Variants in FBXO38 observed in about 807,000 individuals in gnomAD.
FBXO38 encodes F-box only protein 38.
In FBXO38, 53 loss-of-function variants were observed where a neutral mutation model predicts 131.9. The observed-to-expected ratio is 0.40, with a 90% CI of 0.32 to 0.51. FBXO38 has a LOEUF of 0.51. Ranked by LOEUF, FBXO38 falls within the 20% of genes least tolerant of loss-of-function variation. FBXO38 has a pLI of 0.53. For missense variants in FBXO38, 1,076 were observed against 1,475.6 expected, an observed-to-expected ratio of 0.73 and a Z score of 4.44; for synonymous variants, 452 against 505.6, an observed-to-expected ratio of 0.89 and a Z score of 1.42.
At chr5:148,393,211 G>GTA (rs1758300538) in intron 1 of FBXO38, among the ~76,000 whole-genome samples, 2 of 150,782 alleles carry the variant, frequency 1.3e-5, no homozygotes, top group Non-Finnish European at 3.0e-5. Flanking sequence ...GTGTGTGTGT[G>GTA]TGTGTGTGTG....
At chr5:148,419,251 G>T (rs539082103) in intron 12 of FBXO38, among the ~76,000 whole-genome samples, 1 of 152,346 alleles carries the variant, frequency 6.6e-6, no homozygotes, top group East Asian at 1.9e-4. Flanking sequence ...TGCATTTGTA[G>T]AGAAATGAAG....
chr5:148,406,996 G>A (rs2113550396), intron 7 of FBXO38, among the ~76,000 whole-genome samples: 1 of 152,266 alleles, frequency 6.6e-6, no homozygotes, highest in South Asian at 2.1e-4. Context: ...TTAATAGTTG[G>A]AAACCAAAAA....
chr5:148,414,078 C>A, intron 9 of FBXO38, 58 bp from the exon 10 acceptor site: 1 of 1,505,888 alleles, frequency 6.6e-7, no homozygotes. Context: ...AAGTTGGTAA[C>A]ACTCCCTAAC....
At chr5:148,387,165 T>G (rs1433322701) in intron 1 of FBXO38, among the ~76,000 whole-genome samples, 3 of 152,206 alleles carry the variant, frequency 2.0e-5, no homozygotes, top group African/African-American at 7.2e-5. Flanking sequence ...AAAATTACAT[T>G]CAGTTCTCTC....
Position 148,427,214 on chromosome 5 carries a change from A to G in FBXO38, c.1920A>G (p.Val640=). 5 of 1,577,084 alleles carry G rather than the reference A, an allele frequency of 3.2e-6. No individual in the cohort carries two copies. Among genetic ancestry groups the G allele is most frequent in the South Asian group, 2.3e-5 (2 of 86,218 alleles). The change falls in exon 15 of 22, where the codon GTA becomes GTG. Residue 640 remains valine (V), a splice_region_variant and synonymous_variant. Coordinates refer to ENST00000340253, the MANE Select transcript of FBXO38 (RefSeq NM_205836.3). The part of the protein sequence containing the change: ...GESVQSRELS[V]SGKGKTPLRK... ...CCGTTCTTCTTTTTCTATAAGCAGT[A>G]AGTGGAAAAGGCAAGACTCCACTTC...
At chr5:148,436,231 GAA>G (rs1000047153) in intron 17 of FBXO38, among the ~76,000 whole-genome samples, 1 of 152,036 alleles carries the variant, frequency 6.6e-6, no homozygotes, top group African/African-American at 2.4e-5. Context: ...AATAAAATGA[GAA>G]ATGCCTGTAT....
intron 17 of FBXO38, chr5:148,435,100 A>G (rs1278250704): frequency 2.6e-5 from 4 of 152,272 alleles, no homozygotes; most frequent in Admixed American, 2.6e-4. Context: ...TCAAAAAAAA[A>G]TAAAATAAAA....
rs574452689 is a variant in FBXO38, at chr5:148,410,951, C to T, written c.1093+186C>T. On this transcript the variant is annotated intron_variant, in intron 9 of 21. Coordinates refer to ENST00000340253, the MANE Select transcript of FBXO38 (RefSeq NM_205836.3). Reference sequence around the variant, plus strand: ...AGTGATTTTTTTTTCCATATTGCCTCTGATTTTAGCATATTATAGAAAATA... The same window carrying T: ...AGTGATTTTTTTTTCCATATTGCCTTTGATTTTAGCATATTATAGAAAATA... The T allele has an allele frequency of 1.4e-4, 76 of 551,574 alleles. No homozygotes were observed. The Middle Eastern group carries it at 1.9e-3, about 14-fold the overall frequency. 34.2% of individuals were successfully genotyped at this position (551,574 alleles called of 1,614,324 possible). A position where few individuals can be genotyped will look rare whatever the true frequency, so the allele number is the denominator to read the frequency against.
chr5:148,442,165 C>A lies in FBXO38; in HGVS notation c.*18C>A. On this transcript the variant is annotated 3_prime_UTR_variant, in exon 22 of 22. Transcript: ENST00000340253. ...ACATTTAATTGGTCCCTCCTCCTTT[C>A]CAGCTATTTTGTCAGAAAGCAAGTA... The A allele has an allele frequency of 6.2e-7, 1 of 1,609,170 alleles. No homozygotes were observed. The highest frequency in any genetic ancestry group is 8.5e-7 in the Non-Finnish European group (1 of 1,176,658).
chr5:148,435,304 T>G (rs1220751644), intron 17 of FBXO38, among the ~76,000 whole-genome samples: 3 of 152,192 alleles, frequency 2.0e-5, no homozygotes, highest in Non-Finnish European at 4.4e-5. Flanking sequence ...ATAAGGCTGT[T>G]TTGCTTTCTT....
At chr5:148,431,147 A>G (rs1187788022) in intron 15 of FBXO38, among the ~76,000 whole-genome samples, 2 of 152,228 alleles carry the variant, frequency 1.3e-5, no homozygotes, top group East Asian at 3.8e-4. Flanking sequence ...TGTCTTACAC[A>G]TGGAATGGGG....
Position 148,402,054 on chromosome 5 carries a change from C to T in FBXO38, c.335C>T (p.Pro112Leu). The change falls in exon 4 of 22, where the codon CCT becomes CTT. Residue 112 changes from proline (P) to leucine (L), a missense_variant. Pro to Leu is a moderately conservative substitution (Grantham distance 98). Coordinates refer to ENST00000340253, the MANE Select transcript of FBXO38 (RefSeq NM_205836.3). ...GTTGAACAGCTATATGGCCTTCACCCTCGATACCTTGAGAGGCGAAGAGTA... is the reference window on the plus strand; with the variant it reads ...GTTGAACAGCTATATGGCCTTCACCTTCGATACCTTGAGAGGCGAAGAGTA... ...PDVEQLYGLHPRYLERRRVRG... is the reference protein window; with the variant it reads ...PDVEQLYGLHLRYLERRRVRG... 1 of 1,613,610 alleles carries T rather than the reference C, an allele frequency of 6.2e-7. No individual in the cohort carries two copies. Among genetic ancestry groups the T allele is most frequent in the Non-Finnish European group, 8.5e-7 (1 of 1,179,624 alleles).
chr5:148,425,843 G>A (rs1023087988), intron 14 of FBXO38, 142 bp downstream of exon 14: 2 of 683,136 alleles, frequency 2.9e-6, no homozygotes, highest in Non-Finnish European at 5.0e-6. Flanking sequence ...CCCAAGTAAG[G>A]GAAATCTGGG....
chr5:148,387,378 A>G (rs576150582), intron 1 of FBXO38, among the ~76,000 whole-genome samples: 2 of 152,302 alleles, frequency 1.3e-5, no homozygotes, highest in East Asian at 1.9e-4. Flanking sequence ...TTCAGGCTCT[A>G]CATCCGATTG....
At position 148,423,983 on chromosome 5, in the gene FBXO38, A is replaced by G. The variant is rs771361003; in HGVS notation, c.1619-15A>G. The G allele has an allele frequency of 5.0e-6, 8 of 1,605,162 alleles. No homozygotes were observed. The highest frequency in any genetic ancestry group is 1.7e-5 in the Admixed American group (1 of 58,166). On this transcript the variant is annotated splice_polypyrimidine_tract_variant and intron_variant, in intron 12 of 21. Coordinates refer to ENST00000340253, the MANE Select transcript of FBXO38 (RefSeq NM_205836.3). ...ACTTCTTTTGGTTTTTACTTTGTGTATATTTTCGTTGAAGCATTAAATGAG... is the reference window on the plus strand; with the variant it reads ...ACTTCTTTTGGTTTTTACTTTGTGTGTATTTTCGTTGAAGCATTAAATGAG...
chr5:148,427,797 A>G lies in FBXO38; in HGVS notation c.2503A>G (p.Asn835Asp), dbSNP rs1268623868. Residue 835 changes from asparagine to aspartate, a missense_variant, in exon 15 of 22, where the codon AAT becomes GAT. By Grantham distance (23) the Asn-to-Asp change is conservative. Coordinates refer to ENST00000340253, the MANE Select transcript of FBXO38 (RefSeq NM_205836.3). ...AGGCCCAGCACATGATGAGAGGACT[A>G]ATGGGAGTGGCTCTGGGGCTACAGG... Reference protein sequence around the residue: ...SSGPAHDERTNGSGSGATGED... With the variant: ...SSGPAHDERTDGSGSGATGED... 1.2e-6 allele frequency: 2 copies of G among 1,610,002 alleles called. No individual in the cohort carries two copies. The highest frequency in any genetic ancestry group is 3.3e-5 in the Admixed American group (2 of 59,774).
chr5:148,398,984 C>T lies in FBXO38; in HGVS notation c.129-15C>T. The T allele has an allele frequency of 6.2e-7, 1 of 1,612,612 alleles. No homozygotes were observed. The highest frequency in any genetic ancestry group is 2.2e-5 in the East Asian group (1 of 44,852). ...TTATCCACTTGATAAATACGAGTTTCTTTCTCTCACAAAGGTACCTCCCTC... is the reference window on the plus strand; with the variant it reads ...TTATCCACTTGATAAATACGAGTTTTTTTCTCTCACAAAGGTACCTCCCTC... On this transcript the variant is annotated splice_polypyrimidine_tract_variant and intron_variant, in intron 2 of 21. Transcript: ENST00000340253.
intron 1 of FBXO38, 140 bp from the exon 2 acceptor site, chr5:148,394,574 T>C (rs1758377180): frequency 3.2e-6 from 1 of 310,110 alleles, no homozygotes; most frequent in Non-Finnish European, 5.9e-6. Flanking sequence ...ACAGAACAAA[T>C]TAATATTTTT....
At chr5:148,439,836 C>T in intron 19 of FBXO38, 44 bp downstream of exon 19, 1 of 1,590,910 alleles carries the variant, frequency 6.3e-7, no homozygotes, top group Non-Finnish European at 8.6e-7. Context: ...AGTCATTTCT[C>T]ATAGCAGGGA....
Sources: allele counts gnomAD v4.1 joint callset (sites outside exome capture counted in the v4.1 genomes callset), GRCh38; gene constraint gnomAD v4.1.1; transcripts MANE v1.5; gene names NCBI Gene and HGNC (gene_info 2026-07-23, HGNC 2026-07-21).